Variants in RNF135 observed in about 807,000 individuals in gnomAD.
RNF135 encodes ring finger protein 135.
Under a neutral mutation model 41.9 loss-of-function variants are expected in RNF135, and 46 were observed. That is an observed-to-expected ratio of 1.10 (90% CI 0.87 to 1.40). The LOEUF (loss-of-function observed/expected upper bound fraction) is 1.40. Among genes scored for constraint, RNF135 ranks in the 40% most tolerant of loss-of-function variants. RNF135 has a pLI of 0.00. For synonymous variants in RNF135, 238 were observed against 223.8 expected, an observed-to-expected ratio of 1.06 and a Z score of -0.57; for missense variants, 539 against 549.8, an observed-to-expected ratio of 0.98 and a Z score of 0.20.
chr17:30,995,134 T>TC (rs1908252411), intron 3 of RNF135, among the ~76,000 whole-genome samples: 4 of 151,546 alleles, frequency 2.6e-5, no homozygotes, highest in Non-Finnish European at 5.9e-5. Context: ...ACGCCTGTAA[T>TC]CATAGCACTT....
At chr17:30,962,475 G>A in the RNF135 span, among the ~76,000 whole-genome samples, 3 of 147,200 alleles carry the variant, frequency 2.0e-5, no homozygotes, top group Non-Finnish European at 3.0e-5. Context: ...TTACATTTTT[G>A]TTTTTTTTGA....
chr17:30,977,177 C>G (rs1414235737), intron 1 of RNF135, among the ~76,000 whole-genome samples: 1 of 152,118 alleles, frequency 6.6e-6, no homozygotes, highest in Non-Finnish European at 1.5e-5. Context: ...AAGCTGATAA[C>G]AACTTGACAC....
At chr17:30,975,758 C>T (rs1043080889) in intron 1 of RNF135, 17 of 1,183,006 alleles carry the variant, frequency 1.4e-5, no homozygotes, top group Admixed American at 1.2e-4. Context: ...CATGGGTCAT[C>T]GGGTACCCTC....
chr17:30,980,265 A>C, intron 1 of RNF135: 1 of 104,248 alleles, frequency 9.6e-6, no homozygotes, highest in Non-Finnish European at 1.9e-5. Flanking sequence ...AGGGGTCCTC[A>C]CTTCCCAGTA....
intron 3 of RNF135, among the ~76,000 whole-genome samples, chr17:30,990,702 CT>C (rs983680155): frequency 6.6e-6 from 1 of 152,266 alleles, no homozygotes; most frequent in Non-Finnish European, 1.5e-5. Context: ...TTCTCCCAAT[CT>C]TTTTTTAATA....
upstream of RNF135, among the ~76,000 whole-genome samples, chr17:30,968,084 A>G (rs534904729): frequency 6.6e-6 from 1 of 151,982 alleles, no homozygotes; most frequent in Admixed American, 6.5e-5. Flanking sequence ...AGCCTGGCCA[A>G]CATGGAGAAA....
At chr17:30,978,814 C>A (rs1390464033) in intron 1 of RNF135, 14 of 127,134 alleles carry the variant, frequency 1.1e-4, no homozygotes, top group Admixed American at 8.2e-4. Context: ...TGACTCTTAA[C>A]GAGCATGCTG....
In RNF135 at chr17:30,971,172, G is replaced by A. The variant is rs1202384757; in HGVS notation, c.99G>A (p.Thr33=). The part of the protein sequence containing the change: ...ICQGLLDWPA[T]LPCGHSFCRH... Reference sequence around the variant, plus strand: ...AGGGGCTGCTGGACTGGCCCGCCACGCTGCCCTGCGGCCACAGCTTCTGCC... The same window carrying A: ...AGGGGCTGCTGGACTGGCCCGCCACACTGCCCTGCGGCCACAGCTTCTGCC... Residue 33 remains threonine, a synonymous_variant, in exon 1 of 5, where the codon ACG becomes ACA. Transcript: ENST00000328381. 2 of 1,529,554 alleles carry A rather than the reference G, an allele frequency of 1.3e-6. No homozygotes were observed. Among genetic ancestry groups the A allele is most frequent in the Non-Finnish European group, 1.7e-6 (2 of 1,144,400 alleles). 94.7% of individuals were successfully genotyped at this position (1,529,554 alleles called of 1,614,324 possible).
upstream of RNF135, chr17:30,970,877 C>T: frequency 4.0e-6 from 3 of 757,894 alleles, no homozygotes; most frequent in South Asian, 3.7e-5. Flanking sequence ...TCAGCTCTGT[C>T]TTTCCAGCTG....
At chr17:30,965,868 A>G in the RNF135 span, among the ~76,000 whole-genome samples, 1 of 151,564 alleles carries the variant, frequency 6.6e-6, no homozygotes, top group Non-Finnish European at 1.5e-5. Flanking sequence ...TTGAGGCCAC[A>G]TGGCCAACTG....
the RNF135 span, among the ~76,000 whole-genome samples, chr17:30,962,591 G>C: frequency 6.6e-6 from 1 of 151,960 alleles, no homozygotes; most frequent in Non-Finnish European, 1.5e-5. Flanking sequence ...TCAGCCTCCC[G>C]AGTAGCTGGG....
Position 30,999,413 on chromosome 17 carries a change from C to T in RNF135, c.*222C>T. The T allele has an allele frequency of 3.5e-6, 2 of 565,994 alleles. No individual in the cohort carries two copies. The highest frequency in any genetic ancestry group is 6.3e-6 in the Non-Finnish European group (2 of 315,670). The allele number at this position is 565,994 out of a possible 1,614,324, so 35.1% of individuals were successfully genotyped here. On this transcript the variant is annotated 3_prime_UTR_variant, in exon 5 of 5. Coordinates refer to ENST00000328381, the MANE Select transcript of RNF135 (RefSeq NM_032322.4). Reference sequence around the variant, plus strand: ...ACAGGTGTGAGCCACCACACCTGGCCAAGAATACCACTTTTGAAGTTAATC... The same window carrying T: ...ACAGGTGTGAGCCACCACACCTGGCTAAGAATACCACTTTTGAAGTTAATC...
chr17:30,997,137 T>C, intron 3 of RNF135, 105 bp from the exon 4 acceptor site: 1 of 867,820 alleles, frequency 1.2e-6, no homozygotes, highest in Non-Finnish European at 1.9e-6. Context: ...AATGTGTAGA[T>C]GATAAGAAGA....
intron 1 of RNF135, among the ~76,000 whole-genome samples, chr17:30,977,787 TCGAAC>T (rs1359947530): frequency 1.3e-5 from 2 of 152,184 alleles, no homozygotes; most frequent in Non-Finnish European, 2.9e-5. Flanking sequence ...CAGGCTAGTC[TCGAAC>T]TCCTGACCTC....
intron 3 of RNF135, among the ~76,000 whole-genome samples, chr17:30,996,068 C>T (rs1490752360): frequency 3.3e-5 from 5 of 149,862 alleles, no homozygotes; most frequent in East Asian, 2.0e-4. Context: ...TGAGCCACCA[C>T]GCCCAGGCAG....
intron 1 of RNF135, chr17:30,978,753 G>A (rs1053013768): frequency 1.6e-5 from 2 of 126,810 alleles, no homozygotes; most frequent in African/African-American, 3.1e-5. Context: ...AGGACCCTGC[G>A]GCCTTCCGCA....
chr17:30,977,671 C>T (rs1190079777), intron 1 of RNF135, among the ~76,000 whole-genome samples: 1 of 151,826 alleles, frequency 6.6e-6, no homozygotes, highest in Non-Finnish European at 1.5e-5. Flanking sequence ...TGGGTTCAAG[C>T]GATTCTCCTG....
At chr17:30,984,036 A>T (rs1386394147) in intron 1 of RNF135, among the ~76,000 whole-genome samples, 1 of 152,146 alleles carries the variant, frequency 6.6e-6, no homozygotes, top group Non-Finnish European at 1.5e-5. Flanking sequence ...TTCTCTGTAT[A>T]TTCTCAGTAT....
chr17:30,986,060 A>G (rs2340518), intron 2 of RNF135, among the ~76,000 whole-genome samples: 26,605 of 152,078 alleles, frequency 0.17, 7,300 homozygotes, highest in African/African-American at 0.59. Flanking sequence ...AAATCTCCCC[A>G]TTAGAGGCTC....
Sources: gnomAD v4.1 joint callset for allele counts (sites outside exome capture counted in the v4.1 genomes callset) on GRCh38, gnomAD v4.1.1 for gene constraint, MANE v1.5 for transcripts, NCBI Gene and HGNC (gene_info 2026-07-23, HGNC 2026-07-21) for gene names.